LCLAT1: variants seen among roughly 807,000 people sequenced by gnomAD.
LCLAT1 encodes the protein lysocardiolipin acyltransferase 1.
In LCLAT1, 11 loss-of-function variants were observed where a neutral mutation model predicts 30.7. That is an observed-to-expected ratio of 0.36 (90% CI 0.23 to 0.59). The LOEUF (loss-of-function observed/expected upper bound fraction) is 0.59. LCLAT1 is among the 20% of genes least tolerant of loss of function. The pLI is 0.77. For synonymous variants in LCLAT1, 155 were observed against 151.3 expected (o/e 1.02, Z -0.18); for missense variants, 402 against 458.6 (o/e 0.88, Z 1.13).
At chr2:30,510,468 G>A (rs570370119) in intron 1 of LCLAT1, among the ~76,000 whole-genome samples, 1 of 152,248 alleles carries the variant, frequency 6.6e-6, no homozygotes, top group East Asian at 1.9e-4. Flanking sequence ...TTAATCCTTT[G>A]TATGTAACCT....
At chr2:30,488,109 C>T (rs757634065) in intron 1 of LCLAT1, among the ~76,000 whole-genome samples, 2 of 152,220 alleles carry the variant, frequency 1.3e-5, no homozygotes, top group Non-Finnish European at 2.9e-5. Context: ...TCAGCATCAA[C>T]CCAGGGAAAA....
At chr2:30,507,526 G>A (rs1035745270) in intron 1 of LCLAT1, among the ~76,000 whole-genome samples, 13 of 152,050 alleles carry the variant, frequency 8.5e-5, no homozygotes, top group Non-Finnish European at 1.8e-4. Context: ...TGTGTTCTTA[G>A]CCTTTAGCTC....
intron 5 of LCLAT1, among the ~76,000 whole-genome samples, chr2:30,617,861 C>T (rs1041794569): frequency 2.0e-5 from 3 of 151,980 alleles, no homozygotes; most frequent in Admixed American, 1.3e-4. Context: ...TATGGGCTTG[C>T]AAGAATGTTT....
intron 5 of LCLAT1, among the ~76,000 whole-genome samples, chr2:30,585,216 A>G (rs1666381478): frequency 1.3e-5 from 2 of 151,840 alleles, no homozygotes; most frequent in South Asian, 4.2e-4. Flanking sequence ...ATTTTCTCAT[A>G]TCTCACTACC....
At chr2:30,627,783 G>C (rs2602774) in intron 5 of LCLAT1, among the ~76,000 whole-genome samples, 1 of 151,940 alleles carries the variant, frequency 6.6e-6, no homozygotes, top group Admixed American at 6.5e-5. Flanking sequence ...ATGCTGAAAA[G>C]ATATTTGATA....
chr2:30,461,014 TC>T (rs1398504340), intron 1 of LCLAT1, among the ~76,000 whole-genome samples: 7 of 152,228 alleles, frequency 4.6e-5, no homozygotes, highest in Admixed American at 2.6e-4. Flanking sequence ...ATTGGGCTGT[TC>T]CTGAGTTGTA....
At chr2:30,570,239 C>G (rs1558527171) in intron 5 of LCLAT1, among the ~76,000 whole-genome samples, 1 of 152,146 alleles carries the variant, frequency 6.6e-6, no homozygotes, top group Admixed American at 6.5e-5. Context: ...GACAGCTGGT[C>G]TCCCCAACAT....
chr2:30,598,681 T>C (rs1484068149), intron 5 of LCLAT1, among the ~76,000 whole-genome samples: 1 of 152,146 alleles, frequency 6.6e-6, no homozygotes, highest in Non-Finnish European at 1.5e-5. Context: ...TGGCTATTTC[T>C]TGTCTTCTGC....
chr2:30,528,999 G>A (rs1202229127), intron 2 of LCLAT1, among the ~76,000 whole-genome samples: 3 of 152,100 alleles, frequency 2.0e-5, no homozygotes, highest in Non-Finnish European at 4.4e-5. Context: ...ACTCGTACAA[G>A]GAGCTAAAGG....
At chr2:30,483,674 T>G (rs1251182287) in intron 1 of LCLAT1, among the ~76,000 whole-genome samples, 1 of 152,218 alleles carries the variant, frequency 6.6e-6, no homozygotes, top group African/African-American at 2.4e-5. Flanking sequence ...ACATTTTGGT[T>G]GAGCTATAAG....
chr2:30,519,806 A>T (rs1015656191), intron 1 of LCLAT1, among the ~76,000 whole-genome samples: 1 of 151,880 alleles, frequency 6.6e-6, no homozygotes, highest in Non-Finnish European at 1.5e-5. Context: ...CTTTGGTTTC[A>T]CTCTGTTAAA....
At chr2:30,627,959 A>T (rs1261074050) in intron 5 of LCLAT1, among the ~76,000 whole-genome samples, 1 of 152,204 alleles carries the variant, frequency 6.6e-6, no homozygotes, top group East Asian at 1.9e-4. Context: ...GAAAGCAATA[A>T]AACTACCAAA....
At chr2:30,605,820 G>T (rs1470285927) in intron 5 of LCLAT1, among the ~76,000 whole-genome samples, 34 of 152,142 alleles carry the variant, frequency 2.2e-4, no homozygotes, top group Non-Finnish European at 8.8e-5. Flanking sequence ...TGGTTTTGTG[G>T]AAGACCATTT....
intron 5 of LCLAT1, among the ~76,000 whole-genome samples, chr2:30,597,980 A>G (rs1328732153): frequency 1.3e-5 from 2 of 152,202 alleles, no homozygotes; most frequent in East Asian, 1.9e-4. Flanking sequence ...CTTGCATCCC[A>G]GGGATGAAGC....
intron 5 of LCLAT1, among the ~76,000 whole-genome samples, chr2:30,616,758 A>G (rs1419712723): frequency 6.6e-6 from 1 of 152,170 alleles, no homozygotes; most frequent in African/African-American, 2.4e-5. Flanking sequence ...ATGCAAAATA[A>G]CAATGAAAAG....
At chr2:30,558,308 G>C (rs935667380) in intron 3 of LCLAT1, among the ~76,000 whole-genome samples, 16 of 151,912 alleles carry the variant, frequency 1.1e-4, no homozygotes, top group Non-Finnish European at 1.6e-4. Context: ...ATATGAAAAG[G>C]TGCTCATTTG....
chr2:30,511,997 C>T (rs722020), intron 1 of LCLAT1, among the ~76,000 whole-genome samples: 2,912 of 152,336 alleles, frequency 0.019, 92 homozygotes, highest in African/African-American at 0.066. Flanking sequence ...TGCTGGCTTA[C>T]ACTTTGTCTT....
chr2:30,510,331 C>T (rs917518569), intron 1 of LCLAT1, among the ~76,000 whole-genome samples: 1 of 152,180 alleles, frequency 6.6e-6, no homozygotes, highest in Admixed American at 6.5e-5. Context: ...TGTTTTTCTA[C>T]CAACTACTCT....
rs550527746 is a variant in LCLAT1 at position 30,554,453 on chromosome 2, C to T, written c.365-7693C>T. On this transcript the variant is annotated intron_variant, in intron 3 of 5. Transcript: ENST00000379509. ...TCTATGCAGAGAGGTTGTTTAGTAC[C>T]GTGATTTAAAAATATCAAGTCTGGT... Among the ~76,000 whole-genome samples the T allele has an allele frequency of 5.3e-5, 8 of 152,184 alleles. No individual in the cohort carries two copies. The South Asian group carries it at 1.2e-3, about 24-fold the overall frequency.
Sources: allele counts gnomAD v4.1 joint callset (sites outside exome capture counted in the v4.1 genomes callset), GRCh38; gene constraint gnomAD v4.1.1; transcripts MANE v1.5; gene names NCBI Gene and HGNC (gene_info 2026-07-23, HGNC 2026-07-21).